Variants in AGBL1 observed in about 807,000 individuals in gnomAD.
The protein encoded by AGBL1 is cytosolic carboxypeptidase 4.
A neutral mutation model predicts 118.9 loss-of-function variants in AGBL1; 130 were observed. That is an observed-to-expected ratio of 1.09 (90% confidence interval 0.95 to 1.26). The LOEUF (loss-of-function observed/expected upper bound fraction) is 1.26. Among genes scored for constraint, AGBL1 ranks in the 50% most tolerant of loss-of-function variants. The probability of loss-of-function intolerance (pLI) is 0.00; values close to 1 mark genes in which losing one functional copy is unlikely to be tolerated. For missense variants in AGBL1, 1,584 were observed against 1,298.1 expected (o/e 1.22, Z -3.38); for synonymous variants, 555 against 478.9 (o/e 1.16, Z -2.08).
At chr15:86,159,117 C>A in intron 5 of AGBL1, 91 bp downstream of exon 5, 1 of 1,208,304 alleles carries the variant, frequency 8.3e-7, no homozygotes, top group Non-Finnish European at 1.2e-6. Context: ...GCTTCCAGCT[C>A]AGTTTAGTGG....
chr15:86,634,727 A>T (rs953895650), intron 21 of AGBL1, among the ~76,000 whole-genome samples: 1 of 152,344 alleles, frequency 6.6e-6, no homozygotes, highest in African/African-American at 2.4e-5. Flanking sequence ...CAATAAAACC[A>T]TCATAAAAAA....
chr15:86,466,066 T>C (rs938323528), intron 18 of AGBL1, among the ~76,000 whole-genome samples: 1 of 152,218 alleles, frequency 6.6e-6, no homozygotes, highest in African/African-American at 2.4e-5. Context: ...ATTCTTTCTC[T>C]TTATTTCTCA....
At chr15:86,159,672 A>T (rs2077239722) in intron 5 of AGBL1, among the ~76,000 whole-genome samples, 1 of 152,090 alleles carries the variant, frequency 6.6e-6, no homozygotes, top group Non-Finnish European at 1.5e-5. Flanking sequence ...CGGGACTATT[A>T]AGATCTATCA....
chr15:86,594,522 C>G (rs903206001), intron 21 of AGBL1, among the ~76,000 whole-genome samples: 1 of 152,186 alleles, frequency 6.6e-6, no homozygotes, highest in African/African-American at 2.4e-5. Flanking sequence ...GTGAAGCTGT[C>G]TAACCTGGAG....
At chr15:86,155,920 T>A (rs902208731) in intron 4 of AGBL1, among the ~76,000 whole-genome samples, 1 of 152,146 alleles carries the variant, frequency 6.6e-6, no homozygotes, top group African/African-American at 2.4e-5. Context: ...TTTATTTTTT[T>A]AATTTTTTTT....
At chr15:86,245,554 T>C (rs1204031321) in intron 6 of AGBL1, among the ~76,000 whole-genome samples, 2 of 152,218 alleles carry the variant, frequency 1.3e-5, no homozygotes, top group Non-Finnish European at 2.9e-5. Context: ...ACCAACCCTG[T>C]AGCCCAAGGA....
intron 19 of AGBL1, among the ~76,000 whole-genome samples, chr15:86,526,623 G>C (rs1489868476): frequency 7.3e-6 from 1 of 136,544 alleles, no homozygotes; most frequent in Non-Finnish European, 1.6e-5. Flanking sequence ...TAAATACACA[G>C]TATATATATA....
intron 17 of AGBL1, among the ~76,000 whole-genome samples, chr15:86,325,297 C>T (rs1045208161): frequency 4.6e-5 from 7 of 152,050 alleles, no homozygotes; most frequent in Admixed American, 6.6e-5. Context: ...ATAACATCCA[C>T]GGGGGATGAG....
At chr15:86,452,352 T>C (rs1011575012) in intron 18 of AGBL1, among the ~76,000 whole-genome samples, 4 of 152,296 alleles carry the variant, frequency 2.6e-5, no homozygotes, top group Admixed American at 2.6e-4. Flanking sequence ...CTCAGAAAAA[T>C]TGTTCCTGAT....
chr15:86,159,086 C>T, intron 5 of AGBL1, 60 bp downstream of exon 5: 1 of 1,474,300 alleles, frequency 6.8e-7, no homozygotes, highest in Non-Finnish European at 9.5e-7. Flanking sequence ...ATGGAGATTG[C>T]CCTACATGTA....
At chr15:86,315,791 C>G (rs1460528982) in intron 17 of AGBL1, among the ~76,000 whole-genome samples, 1 of 151,974 alleles carries the variant, frequency 6.6e-6, no homozygotes, top group East Asian at 1.9e-4. Flanking sequence ...AATATTAGTC[C>G]TCTACCTTCC....
rs900456030 is a variant in AGBL1, at chr15:86,213,052, G to T, written c.489-11862G>T. ...GGAATCATAAATCCTGTCAATCAAG[G>T]AGTGATCACCAAATCATTGCAAGGC... is the stretch of plus-strand genomic sequence containing the variant. On this transcript the variant is annotated intron_variant, in intron 5 of 22. Transcript: ENST00000614907. Among the ~76,000 whole-genome samples the T allele has an allele frequency of 3.3e-5, 5 of 152,158 alleles. 1 individual carries two copies. The East Asian group carries it at 9.6e-4, about 29-fold the overall frequency.
chr15:86,154,353 C>A, intron 3 of AGBL1, 77 bp from the exon 4 acceptor site: 2 of 1,476,950 alleles, frequency 1.4e-6, no homozygotes, highest in South Asian at 2.6e-5. Flanking sequence ...ACCATCTTCC[C>A]CTTCCTCCAC....
chr15:86,332,617 G>C (rs996322508), intron 17 of AGBL1, among the ~76,000 whole-genome samples: 4 of 141,396 alleles, frequency 2.8e-5, no homozygotes, highest in Non-Finnish European at 6.0e-5. Flanking sequence ...CTGCACTCCA[G>C]CCTGGGCGAC....
chr15:86,812,016 C>A (rs575648567), intron 22 of AGBL1, among the ~76,000 whole-genome samples: 1 of 152,166 alleles, frequency 6.6e-6, no homozygotes, highest in Non-Finnish European at 1.5e-5. Flanking sequence ...TAAGAACGCA[C>A]TTTGTAAACT....
intron 22 of AGBL1, among the ~76,000 whole-genome samples, chr15:86,753,401 T>TC (rs1218188582): frequency 8.7e-6 from 1 of 114,676 alleles, no homozygotes; most frequent in East Asian, 2.6e-4. Context: ...CTTTTTCTTT[T>TC]TTTTTTTTTT....
chr15:86,338,663 G>T (rs766371786), intron 17 of AGBL1, among the ~76,000 whole-genome samples: 9 of 152,062 alleles, frequency 5.9e-5, no homozygotes, highest in Non-Finnish European at 1.3e-4. Context: ...CTATTGGATT[G>T]GACAAAGGAC....
chr15:86,695,012 A>G (rs867249243), intron 22 of AGBL1, among the ~76,000 whole-genome samples: 28 of 151,888 alleles, frequency 1.8e-4, no homozygotes, highest in Middle Eastern at 3.2e-3. Context: ...TTTGTTAAGA[A>G]TTTTTGCATC....
In AGBL1 at chr15:86,925,099, CAAGAAG is replaced by C. The variant is rs71144081; in HGVS notation, c.3222-62865_3222-62860del. Among the ~76,000 whole-genome samples the C allele has an allele frequency of 1.5e-4, 18 of 121,822 alleles. 1 individual carries two copies. The highest frequency in any genetic ancestry group is 4.1e-4 in the African/African-American group (13 of 31,702). The allele number at this position is 121,822 out of a possible 152,430, so 79.9% of individuals were successfully genotyped here. On this transcript the variant is annotated intron_variant, in intron 23 of 24. Transcript: ENST00000441037. ...CCTGTGTGACAGAGTGAGACTCTGT[CAAGAAG>C]AAGAAGAAGAAGAAGAAGAAGAGGA...
Sources: gnomAD v4.1 joint callset for allele counts (sites outside exome capture counted in the v4.1 genomes callset) on GRCh38, gnomAD v4.1.1 for gene constraint, MANE v1.5 for transcripts, NCBI Gene and HGNC (gene_info 2026-07-23, HGNC 2026-07-21) for gene names.